The following DYNLT5 variants were observed in gnomAD, a reference collection of about 807,000 sequenced individuals.
DYNLT5 encodes dynein light chain Tctex-type 5.
Under a neutral mutation model 19.3 loss-of-function variants are expected in DYNLT5, and 25 were observed. That is an observed-to-expected ratio of 1.30 (90% CI 0.95 to 1.81). DYNLT5 has a LOEUF of 1.81. Among genes scored for constraint, DYNLT5 ranks in the 40% most tolerant of loss-of-function variants. The probability of loss-of-function intolerance (pLI) is 0.00; values close to 1 mark genes in which losing one functional copy is unlikely to be tolerated. For synonymous variants in DYNLT5, 82 were observed against 68.9 expected, an observed-to-expected ratio of 1.19 and a Z score of -0.94; for missense variants, 232 against 217.9, an observed-to-expected ratio of 1.06 and a Z score of -0.41.
At chr1:66,760,108 T>A (rs987271191) in intron 2 of DYNLT5, among the ~76,000 whole-genome samples, 5 of 152,304 alleles carry the variant, frequency 3.3e-5, no homozygotes, top group African/African-American at 9.6e-5. Context: ...AAATTGCACA[T>A]CACATCTTCT....
intron 2 of DYNLT5, among the ~76,000 whole-genome samples, chr1:66,759,506 A>G (rs2094642235): frequency 6.6e-6 from 1 of 152,224 alleles, no homozygotes; most frequent in African/African-American, 2.4e-5. Context: ...CTGAAGATAC[A>G]TACACGTTTT....
At chr1:66,776,230 G>T in intron 3 of DYNLT5, 49 bp from the exon 4 acceptor site, 1 of 1,596,414 alleles carries the variant, frequency 6.3e-7, no homozygotes, top group Middle Eastern at 1.7e-4. Flanking sequence ...GGGTGGGTGG[G>T]TGTGATTTGA....
At chr1:66,754,192 A>G (rs1461766497) in intron 1 of DYNLT5, among the ~76,000 whole-genome samples, 1 of 152,208 alleles carries the variant, frequency 6.6e-6, no homozygotes, top group Non-Finnish European at 1.5e-5. Context: ...GTGAGCCATG[A>G]TCATGCCACT....
intron 1 of DYNLT5, 145 bp downstream of exon 1, chr1:66,752,729 T>C: frequency 2.1e-6 from 1 of 468,050 alleles, no homozygotes; most frequent in Non-Finnish European, 2.8e-6. Flanking sequence ...TAAGAAAAAA[T>C]GATCCCAAAT....
At chr1:66,761,426 G>C (rs906094259) in intron 2 of DYNLT5, among the ~76,000 whole-genome samples, 2 of 152,202 alleles carry the variant, frequency 1.3e-5, no homozygotes, top group African/African-American at 4.8e-5. Context: ...CCTCAGTGTT[G>C]ACATCTGCTG....
intron 2 of DYNLT5, 151 bp downstream of exon 2, chr1:66,754,928 A>T (rs2094633559): frequency 1.3e-6 from 1 of 746,810 alleles, no homozygotes; most frequent in African/African-American, 1.8e-5. Context: ...ATATTTAAAA[A>T]GAAAGAGAAA....
At chr1:66,756,502 A>G (rs1198605940) in intron 2 of DYNLT5, among the ~76,000 whole-genome samples, 2 of 152,368 alleles carry the variant, frequency 1.3e-5, no homozygotes, top group African/African-American at 4.8e-5. Context: ...TTTTATGGAA[A>G]AACATATAAC....
At chr1:66,764,610 A>T (rs1414042452) in intron 2 of DYNLT5, among the ~76,000 whole-genome samples, 1 of 152,246 alleles carries the variant, frequency 6.6e-6, no homozygotes, top group Non-Finnish European at 1.5e-5. Context: ...TAACAGATGT[A>T]ATATGAAAAT....
At position 66,754,762 on chromosome 1, in the gene DYNLT5, A is replaced by G. The variant is rs755446434; in HGVS notation, c.104A>G (p.His35Arg). 1 of 1,612,274 alleles carries G rather than the reference A, an allele frequency of 6.2e-7. No homozygotes were observed. Among genetic ancestry groups the G allele is most frequent in the East Asian group, 2.2e-5 (1 of 44,798 alleles). Residue 35 changes from histidine to arginine, a missense_variant, in exon 2 of 5, where the codon CAT (histidine) becomes CGT (arginine). Coordinates refer to ENST00000282670, the MANE Select transcript of DYNLT5 (RefSeq NM_152665.3). ...CATGAATTTTGGCGAAAGGAAATTC[A>G]TGGGCGCATCAAAGAGTGAGTAACT... ...SNHEFWRKEI[H>R]GRIKDSMSTV...
In DYNLT5 at chr1:66,777,381, C is replaced by T; in HGVS notation, c.467C>T (p.Thr156Ile). ...SRCLWDPKSD[T>I]FSSYVFRNSS... ...TGCCTCTGGGATCCTAAAAGTGATA[C>T]CTTTTCATCTTATGTTTTCAGAAAT... is the stretch of plus-strand genomic sequence containing the variant. Residue 156 changes from threonine (T) to isoleucine (I), a missense_variant, in exon 5 of 5, where the codon ACC becomes ATC. Transcript: ENST00000282670. The T allele has an allele frequency of 1.2e-6, 2 of 1,613,888 alleles. No individual in the cohort carries two copies. Among genetic ancestry groups the T allele is most frequent in the South Asian group, 1.1e-5 (1 of 91,072 alleles).
intron 2 of DYNLT5, among the ~76,000 whole-genome samples, chr1:66,768,965 A>T (rs1386606854): frequency 1.3e-5 from 2 of 152,208 alleles, no homozygotes; most frequent in African/African-American, 2.4e-5. Flanking sequence ...ACCTCAAAGG[A>T]TATTGTGAAA....
chr1:66,776,229 G>A lies in DYNLT5; in HGVS notation c.212-50G>A. 1.9e-6 allele frequency: 3 copies of A among 1,592,012 alleles called. No individual in the cohort carries two copies. The South Asian group carries it at 3.5e-5, about 18-fold the overall frequency. On this transcript the variant is annotated intron_variant, in intron 3 of 4. Coordinates refer to ENST00000282670, the MANE Select transcript of DYNLT5 (RefSeq NM_152665.3). ...TTTTGATTAGCCTATGGGGTGGGTG[G>A]GTGTGATTTGAAATTACTTTTTAGA...
intron 3 of DYNLT5, chr1:66,775,120 G>A (rs1645226862): frequency 6.6e-6 from 1 of 152,210 alleles, no homozygotes; most frequent in Admixed American, 6.5e-5. Flanking sequence ...CTGGGATGCA[G>A]GAGGAAGAAG....
chr1:66,761,417 C>T (rs1338042323), intron 2 of DYNLT5, among the ~76,000 whole-genome samples: 1 of 152,216 alleles, frequency 6.6e-6, no homozygotes, highest in African/African-American at 2.4e-5. Flanking sequence ...AGGGCCTTGC[C>T]TCAGTGTTGA....
chr1:66,767,007 G>A (rs1044943297), intron 2 of DYNLT5, among the ~76,000 whole-genome samples: 44 of 152,224 alleles, frequency 2.9e-4, no homozygotes, highest in African/African-American at 1.0e-3. Flanking sequence ...TGGAAGGAGG[G>A]AGAGGAGCAG....
intron 3 of DYNLT5, among the ~76,000 whole-genome samples, chr1:66,775,984 C>CTT (rs1334056490): frequency 6.6e-6 from 1 of 152,086 alleles, no homozygotes; most frequent in Non-Finnish European, 1.5e-5. Flanking sequence ...GTTGTTGAGA[C>CTT]TTTGAAGTAT....
intron 1 of DYNLT5, among the ~76,000 whole-genome samples, chr1:66,753,194 C>A (rs1405195958): frequency 3.9e-5 from 6 of 152,164 alleles, no homozygotes; most frequent in African/African-American, 1.4e-4. Flanking sequence ...ACACACAGCA[C>A]CTCTGCTCTG....
chr1:66,756,467 CA>C (rs1202614725), intron 2 of DYNLT5, among the ~76,000 whole-genome samples: 9 of 152,182 alleles, frequency 5.9e-5, no homozygotes, highest in African/African-American at 2.2e-4. Flanking sequence ...CTATCAAATA[CA>C]GGCATTGTTT....
chr1:66,758,369 A>C (rs1159745895), intron 2 of DYNLT5, among the ~76,000 whole-genome samples: 2 of 152,118 alleles, frequency 1.3e-5, no homozygotes, highest in African/African-American at 2.4e-5. Flanking sequence ...AGGTCAAGTT[A>C]CTTTCACAGG....
Sources: gnomAD v4.1 joint callset for allele counts (sites outside exome capture counted in the v4.1 genomes callset) on GRCh38, gnomAD v4.1.1 for gene constraint, MANE v1.5 for transcripts, NCBI Gene and HGNC (gene_info 2026-07-23, HGNC 2026-07-21) for gene names.